The following APBB2 variants were observed in gnomAD, a reference collection of about 807,000 sequenced individuals.
APBB2 encodes the protein Fe65-like 1.
In APBB2, 38 loss-of-function variants were observed where a neutral mutation model predicts 82.5. The ratio of observed to expected loss-of-function variants is 0.46; its 90% CI spans 0.36 to 0.60. APBB2 has a LOEUF of 0.60. Ranked by LOEUF, APBB2 falls within the 20% of genes least tolerant of loss-of-function variation. The pLI, the probability that APBB2 is intolerant of heterozygous loss-of-function variation, is 0.00. For missense variants in APBB2, 772 were observed against 972.3 expected, an observed-to-expected ratio of 0.79 and a Z score of 2.74; for synonymous variants, 341 against 368.2, an observed-to-expected ratio of 0.93 and a Z score of 0.85.
chr4:40,820,277 G>T (rs1392229841), intron 17 of APBB2, among the ~76,000 whole-genome samples: 1 of 152,244 alleles, frequency 6.6e-6, no homozygotes, highest in Admixed American at 6.5e-5. Context: ...TCTGCAGAAG[G>T]TAACTGGGCT....
intron 1 of APBB2, among the ~76,000 whole-genome samples, chr4:41,173,371 A>G (rs1768860888): frequency 6.6e-6 from 1 of 152,188 alleles, no homozygotes; most frequent in South Asian, 2.1e-4. Flanking sequence ...CAATATTCTC[A>G]GGCAAAGGAT....
chr4:40,921,325 A>AT (rs1417784085), intron 10 of APBB2, among the ~76,000 whole-genome samples: 2 of 152,180 alleles, frequency 1.3e-5, no homozygotes, highest in African/African-American at 4.8e-5. Context: ...TATATGTGTG[A>AT]TTTTAAGGAA....
chr4:40,870,369 A>G (rs1319511348), intron 12 of APBB2, among the ~76,000 whole-genome samples: 1 of 152,164 alleles, frequency 6.6e-6, no homozygotes, highest in Non-Finnish European at 1.5e-5. Context: ...CTCCCATTTA[A>G]TATCTTACAA....
At chr4:40,954,755 C>T (rs1310967732) in intron 6 of APBB2, among the ~76,000 whole-genome samples, 1 of 152,184 alleles carries the variant, frequency 6.6e-6, no homozygotes, top group African/African-American at 2.4e-5. Context: ...CCTCTGCCTC[C>T]CAGGTTCAAG....
intron 4 of APBB2, among the ~76,000 whole-genome samples, chr4:41,062,920 C>A (rs985332630): frequency 3.3e-5 from 5 of 152,128 alleles, no homozygotes; most frequent in African/African-American, 1.2e-4. Flanking sequence ...CAGGGCCCTT[C>A]GGTAATCTCT....
At chr4:41,101,207 G>A (rs1580035670) in intron 2 of APBB2, among the ~76,000 whole-genome samples, 3 of 151,764 alleles carry the variant, frequency 2.0e-5, no homozygotes, top group African/African-American at 7.2e-5. Flanking sequence ...GCTCACGCCT[G>A]TAATCCCAGC....
In APBB2 at chr4:40,906,853, C is replaced by T. The variant is rs370709813; in HGVS notation, c.1255-13442G>A. Among the ~76,000 whole-genome samples, 83 of 152,226 alleles carry T rather than the reference C, an allele frequency of 5.5e-4. No individual in the cohort carries two copies. In the South Asian group the frequency reaches 0.016, roughly 29 times the overall value. On this transcript the variant is annotated intron_variant, in intron 10 of 17. Coordinates refer to ENST00000508593, the MANE Select transcript of APBB2 (RefSeq NM_004307.2). ...CAGACTCCTGGCAAATTTAAGGTTT[C>T]CTAAAACAGAGGTGGCAGAAAGGAG...
Position 40,893,414 on chromosome 4 carries a change from G to A in APBB2, c.1255-3C>T. ...CCCAGAGAACGCACAGCAAAACACT[G>A]GAAGACAGTGAAAGAGGACAAGAAG... On this transcript the variant is annotated splice_polypyrimidine_tract_variant and splice_region_variant and intron_variant, in intron 10 of 17. Transcript: ENST00000508593. 6.2e-7 allele frequency: 1 copy of A among 1,605,174 alleles called. No individual in the cohort carries two copies. Among genetic ancestry groups the A allele is most frequent in the Middle Eastern group, 1.7e-4 (1 of 6,022 alleles).
rs563801473 is a variant in APBB2 at position 41,146,344 on chromosome 4, A to C, written c.-416-3202T>G. Among the ~76,000 whole-genome samples, 27 of 149,258 alleles carry C rather than the reference A, an allele frequency of 1.8e-4. 1 individual carries two copies. The highest frequency in any genetic ancestry group is 6.3e-4 in the African/African-American group (25 of 39,856). ...GTCTCAAAAAAAAAAAAAAAAAAAA[A>C]AAAACCCGGGCATGATGGCACATGC... is the stretch of plus-strand genomic sequence containing the variant. On this transcript the variant is annotated intron_variant, in intron 1 of 17. Transcript: ENST00000508593.
In APBB2 at chr4:40,907,379, ATTTTTTTTT is replaced by A. The variant is rs55814804; in HGVS notation, c.1255-13977_1255-13969del. Among the ~76,000 whole-genome samples, 197 of 37,360 alleles carry A rather than the reference ATTTTTTTTT, an allele frequency of 5.3e-3. 2 individuals carry two copies. The highest frequency in any genetic ancestry group is 0.027 in the Middle Eastern group (2 of 74). The allele number at this position is 37,360 out of a possible 152,430, so 24.5% of individuals were successfully genotyped here. On this transcript the variant is annotated intron_variant, in intron 10 of 17. Transcript: ENST00000508593. ...TATATATATATATATATATATATAT[ATTTTTTTTT>A]TTTTTTTTTTTTAGACAGAGTCTCA...
At chr4:41,020,886 G>A (rs1285320826) in intron 5 of APBB2, among the ~76,000 whole-genome samples, 2 of 152,182 alleles carry the variant, frequency 1.3e-5, no homozygotes, top group Non-Finnish European at 2.9e-5. Flanking sequence ...CTTAGGGGAA[G>A]AGTGTTGTTT....
intron 7 of APBB2, among the ~76,000 whole-genome samples, chr4:40,938,944 T>C (rs1460104077): frequency 2.0e-5 from 3 of 152,130 alleles, no homozygotes; most frequent in Admixed American, 6.5e-5. Flanking sequence ...AATTCACCCA[T>C]GGATTCATGG....
Position 41,014,041 on chromosome 4 carries a change from G to A in APBB2, c.377C>T (p.Ala126Val), listed in dbSNP as rs1288328372. Residue 126 changes from alanine to valine, a missense_variant, in exon 6 of 18, where the codon GCA becomes GTA. Physicochemically the swap from Ala to Val is moderately conservative, Grantham distance 64. Coordinates refer to ENST00000508593, the MANE Select transcript of APBB2 (RefSeq NM_004307.2). ...QDPNKNLSPTAVINITSEKLE... is the reference protein window; with the variant it reads ...QDPNKNLSPTVVINITSEKLE... ...CTTCTCAGAAGTTATGTTGATGACT[G>A]CAGTGGGGCTCAGGTTTTTGTTGGG... is the stretch of plus-strand genomic sequence containing the variant. The A allele has an allele frequency of 1.9e-6, 3 of 1,614,186 alleles. No homozygotes were observed. Among genetic ancestry groups the A allele is most frequent in the South Asian group, 2.2e-5 (2 of 91,086 alleles).
chr4:40,886,622 T>C (rs1378127667), intron 12 of APBB2, among the ~76,000 whole-genome samples: 1 of 152,112 alleles, frequency 6.6e-6, no homozygotes, highest in East Asian at 1.9e-4. Context: ...TCCCTGAAAC[T>C]GGGTAGGGAC....
chr4:40,914,266 G>T (rs1451542347), intron 10 of APBB2, among the ~76,000 whole-genome samples: 1 of 152,092 alleles, frequency 6.6e-6, no homozygotes, highest in Non-Finnish European at 1.5e-5. Context: ...CCAGCTACTT[G>T]GGAGGCCGAG....
At chr4:41,102,112 C>G (rs1383730237) in intron 2 of APBB2, among the ~76,000 whole-genome samples, 1 of 152,086 alleles carries the variant, frequency 6.6e-6, no homozygotes, top group African/African-American at 2.4e-5. Context: ...TCGGCATACC[C>G]CTCGGGCTCT....
chr4:41,011,440 T>C (rs972639906), intron 6 of APBB2, among the ~76,000 whole-genome samples: 5 of 150,762 alleles, frequency 3.3e-5, no homozygotes, highest in Non-Finnish European at 5.9e-5. Context: ...TGGCCTAATT[T>C]TTATTTTTTG....
chr4:40,851,732 ATATATATTTT>A (rs1459869032), intron 12 of APBB2, among the ~76,000 whole-genome samples: 499 of 32,744 alleles, frequency 0.015, 4 homozygotes, highest in Middle Eastern at 0.048. Flanking sequence ...ATATATATAT[ATATATATTTT>A]TTTTTTTTTT....
intron 6 of APBB2, among the ~76,000 whole-genome samples, chr4:41,006,704 G>A (rs973206931): frequency 5.9e-5 from 9 of 152,160 alleles, no homozygotes; most frequent in African/African-American, 2.2e-4. Context: ...GAGCTCAGGT[G>A]ATCCAACCTC....
Sources: gnomAD v4.1 joint callset for allele counts (sites outside exome capture counted in the v4.1 genomes callset) on GRCh38, gnomAD v4.1.1 for gene constraint, MANE v1.5 for transcripts, NCBI Gene and HGNC (gene_info 2026-07-23, HGNC 2026-07-21) for gene names.